The following WDR41 variants were observed in gnomAD, a reference collection of about 807,000 sequenced individuals.
WDR41 encodes WD repeat domain 41, also known as WD repeat-containing protein 41.
A neutral mutation model predicts 69.3 loss-of-function variants in WDR41; 63 were observed. That is an observed-to-expected ratio of 0.91 (90% confidence interval 0.74 to 1.12). The LOEUF (loss-of-function observed/expected upper bound fraction) is 1.12, where lower values mean the gene tolerates loss of function less well. Ranked by LOEUF, WDR41 falls within the 50% of genes most tolerant of loss-of-function variation. The pLI is 0.00. For synonymous variants in WDR41, 185 were observed against 192.1 expected, an observed-to-expected ratio of 0.96 and a Z score of 0.31; for missense variants, 543 against 534.5, an observed-to-expected ratio of 1.02 and a Z score of -0.16.
At chr5:77,514,144 C>G (rs1053886832) in intron 1 of WDR41, among the ~76,000 whole-genome samples, 1 of 152,044 alleles carries the variant, frequency 6.6e-6, no homozygotes, top group Non-Finnish European at 1.5e-5. Flanking sequence ...GGGGGAATCA[C>G]CTAAAATTTT....
chr5:77,435,446 A>ATC (rs1208707924), intron 12 of WDR41, among the ~76,000 whole-genome samples: 3 of 152,170 alleles, frequency 2.0e-5, no homozygotes, highest in African/African-American at 7.2e-5. Flanking sequence ...GACTGTTTTC[A>ATC]TCTCTCTCTG....
intron 1 of WDR41, among the ~76,000 whole-genome samples, chr5:77,614,052 T>C (rs1465314230): frequency 2.0e-5 from 3 of 152,074 alleles, no homozygotes; most frequent in South Asian, 2.1e-4. Flanking sequence ...AAAATGCTCA[T>C]CATCACTGGC....
upstream of WDR41, among the ~76,000 whole-genome samples, chr5:77,494,110 T>C (rs1801901147): frequency 6.6e-6 from 1 of 152,192 alleles, no homozygotes; most frequent in Non-Finnish European, 1.5e-5. Flanking sequence ...AATGAGATTG[T>C]TATAACGTTA....
At chr5:77,438,175 T>C in intron 10 of WDR41, 65 bp downstream of exon 10, 1 of 1,599,772 alleles carries the variant, frequency 6.3e-7, no homozygotes, top group South Asian at 1.1e-5. Flanking sequence ...CTTGAGAAAT[T>C]ACACTGGTAG....
rs889089729 is a variant in WDR41, at chr5:77,431,535, G to A, written c.*1600C>T. The A allele has an allele frequency of 2.0e-5, 3 of 152,170 alleles. No homozygotes were observed. Among genetic ancestry groups the A allele is most frequent in the Non-Finnish European group, 1.5e-5 (1 of 68,040 alleles). The allele number at this position is 152,170 out of a possible 1,614,324, so 9.4% of individuals were successfully genotyped here. A position where few individuals can be genotyped will look rare whatever the true frequency, so the allele number is the denominator to read the frequency against. ...CTGAAACCTAACCTGTAGTATCTCT[G>A]AGGTACGCCTGTATAATGACCAGAA... On this transcript the variant is annotated 3_prime_UTR_variant, in exon 13 of 13. Coordinates refer to ENST00000296679, the MANE Select transcript of WDR41 (RefSeq NM_018268.4).
At chr5:77,505,258 GAGTGA>G (rs141247994) in intron 1 of WDR41, among the ~76,000 whole-genome samples, 8,122 of 152,158 alleles carry the variant, frequency 0.053, 675 homozygotes, top group African/African-American at 0.18. Context: ...GCCAAATCAT[GAGTGA>G]ACGCCCATTT....
At chr5:77,457,414 A>G (rs1337706759) in intron 5 of WDR41, among the ~76,000 whole-genome samples, 1 of 152,146 alleles carries the variant, frequency 6.6e-6, no homozygotes, top group Admixed American at 6.5e-5. Context: ...ATCTACCATA[A>G]TGTATTTTCT....
intron 1 of WDR41, chr5:77,545,987 A>C (rs1743189420): frequency 2.0e-6 from 1 of 488,170 alleles, no homozygotes; most frequent in Non-Finnish European, 3.6e-6. Context: ...TGTGCCCAGG[A>C]GCACTGGCAT....
At chr5:77,491,260 T>C (rs932601089) in intron 1 of WDR41, 1 of 305,182 alleles carries the variant, frequency 3.3e-6, no homozygotes. Flanking sequence ...GCCCCACTCC[T>C]GCCCGCCAGA....
chr5:77,463,298 T>A, intron 3 of WDR41, 72 bp from the exon 4 acceptor site: 1 of 1,407,538 alleles, frequency 7.1e-7, no homozygotes, highest in Non-Finnish European at 9.7e-7. Flanking sequence ...CTACATTAAG[T>A]ACAACTACCA....
chr5:77,516,162 T>C (rs1232542372), intron 1 of WDR41, among the ~76,000 whole-genome samples: 1 of 152,162 alleles, frequency 6.6e-6, no homozygotes, highest in African/African-American at 2.4e-5. Context: ...TTTTGGGTAT[T>C]TAAAAACGTT....
At chr5:77,495,805 A>AAC (rs1561206294), upstream of WDR41, among the ~76,000 whole-genome samples, 1 of 151,730 alleles carries the variant, frequency 6.6e-6, no homozygotes, top group East Asian at 1.9e-4. Flanking sequence ...CCAGAAAAAA[A>AAC]ATCACAAAAA....
At chr5:77,518,641 T>C (rs191906489) in intron 1 of WDR41, among the ~76,000 whole-genome samples, 34 of 152,268 alleles carry the variant, frequency 2.2e-4, no homozygotes, top group African/African-American at 7.7e-4. Context: ...TGAAAAATAC[T>C]ATTTTCTTAA....
In WDR41 at chr5:77,440,825, T is replaced by G. The variant is rs1420134365; in HGVS notation, c.870A>C (p.Thr290=). The change falls in exon 9 of 13, where the codon ACA becomes ACC. Residue 290 remains threonine, a synonymous_variant. Transcript: ENST00000296679. ...KSNDISIHHF[T]CDEENVFAAV... is the part of the protein sequence containing the mutation. ...ATACATTTTTTACCTCTTCATCACA[T>G]GTGAAATGATGAATAGAAATGTCAT... The G allele has an allele frequency of 1.2e-6, 2 of 1,614,152 alleles. No homozygotes were observed. Among genetic ancestry groups the G allele is most frequent in the Admixed American group, 3.3e-5 (2 of 60,028 alleles).
chr5:77,496,506 C>T (rs1306268755), upstream of WDR41, among the ~76,000 whole-genome samples: 1 of 152,008 alleles, frequency 6.6e-6, no homozygotes, highest in Non-Finnish European at 1.5e-5. Context: ...AAAGCAATTC[C>T]ATTTACAATA....
At chr5:77,590,671 G>T (rs1744120092) in intron 1 of WDR41, among the ~76,000 whole-genome samples, 1 of 152,216 alleles carries the variant, frequency 6.6e-6, no homozygotes, top group Non-Finnish European at 1.5e-5. Flanking sequence ...AGAGCAGCTA[G>T]CAGGACTAGT....
At chr5:77,540,561 C>T (rs1743070247) in intron 1 of WDR41, 1 of 152,102 alleles carries the variant, frequency 6.6e-6, no homozygotes. Context: ...AAAAATTAGT[C>T]AGGTGTGGTG....
At chr5:77,461,426 A>C (rs1298308653) in intron 4 of WDR41, among the ~76,000 whole-genome samples, 1 of 152,234 alleles carries the variant, frequency 6.6e-6, no homozygotes, top group Non-Finnish European at 1.5e-5. Flanking sequence ...AAGCATGTTC[A>C]AGTCTGTATC....
intron 1 of WDR41, among the ~76,000 whole-genome samples, chr5:77,502,406 G>T (rs924368493): frequency 7.9e-5 from 12 of 152,136 alleles, no homozygotes; most frequent in Non-Finnish European, 2.9e-5. Flanking sequence ...AGGTGTACCT[G>T]AAAGTGATCG....
Sources: gnomAD v4.1 joint callset for allele counts (sites outside exome capture counted in the v4.1 genomes callset) on GRCh38, gnomAD v4.1.1 for gene constraint, MANE v1.5 for transcripts, NCBI Gene and HGNC (gene_info 2026-07-23, HGNC 2026-07-21) for gene names.